The following IL1RAPL2 variants were observed in gnomAD, a reference collection of about 807,000 sequenced individuals.
The protein encoded by IL1RAPL2 is X-linked interleukin-1 receptor accessory protein-like 2.
A neutral mutation model predicts 44.1 loss-of-function variants in IL1RAPL2; 3 were observed. The observed-to-expected ratio is 0.07, with a 90% CI of 0.03 to 0.18. The LOEUF is 0.18. Among genes scored for constraint, IL1RAPL2 ranks in the 10% least tolerant of loss-of-function variants. The pLI, the probability that IL1RAPL2 is intolerant of heterozygous loss-of-function variation, is 1.00. For synonymous variants in IL1RAPL2, 181 were observed against 178.8 expected (o/e 1.01, Z -0.10); for missense variants, 391 against 496.4 (o/e 0.79, Z 2.02).
At chrX:105,334,552 A>T (rs2035013539) in intron 5 of IL1RAPL2, among the ~76,000 whole-genome samples, 1 of 112,077 alleles carries the variant, frequency 8.9e-6, no homozygotes, top group Non-Finnish European at 1.9e-5. Context: ...GCTTGAAAGG[A>T]TGGATATCCC....
At chrX:105,252,048 T>C (rs2034273286) in intron 4 of IL1RAPL2, among the ~76,000 whole-genome samples, 1 of 111,363 alleles carries the variant, frequency 9.0e-6, no homozygotes, top group African/African-American at 3.3e-5. Context: ...TATGGAACAG[T>C]TCTGTCACTC....
At chrX:104,575,211 A>G (rs1445396455) in intron 1 of IL1RAPL2, among the ~76,000 whole-genome samples, 1 of 111,504 alleles carries the variant, frequency 9.0e-6, no homozygotes, top group East Asian at 2.8e-4. Context: ...AGAAAAATCA[A>G]TAGAGCATTT....
intron 2 of IL1RAPL2, among the ~76,000 whole-genome samples, chrX:105,112,411 T>C (rs2147566399): frequency 8.9e-6 from 1 of 112,417 alleles, no homozygotes; most frequent in East Asian, 2.8e-4. Context: ...GATATTTAAC[T>C]CAATTTTGAC....
intron 2 of IL1RAPL2, among the ~76,000 whole-genome samples, chrX:105,042,348 C>T (rs1264709415): frequency 9.0e-6 from 1 of 110,542 alleles, no homozygotes; most frequent in African/African-American, 3.3e-5. Flanking sequence ...GGCTAATATC[C>T]AGAATCTGCA....
chrX:105,437,205 G>A (rs1442284052), intron 5 of IL1RAPL2, among the ~76,000 whole-genome samples: 1 of 109,658 alleles, frequency 9.1e-6, no homozygotes, highest in East Asian at 2.9e-4. Context: ...TACATGTCAG[G>A]TTTCCTTAAA....
At chrX:104,889,005 C>G (rs1923340296) in intron 2 of IL1RAPL2, among the ~76,000 whole-genome samples, 1 of 111,252 alleles carries the variant, frequency 9.0e-6, no homozygotes, top group African/African-American at 3.3e-5. Flanking sequence ...TCAGGCCTGC[C>G]TCTGGGGCAC....
intron 5 of IL1RAPL2, among the ~76,000 whole-genome samples, chrX:105,276,141 C>T (rs745759112): frequency 1.8e-5 from 2 of 112,766 alleles, no homozygotes; most frequent in African/African-American, 6.4e-5. Context: ...CACGGTGGCT[C>T]ACGCCTGTAA....
chrX:105,045,204 G>A (rs1201594587), intron 2 of IL1RAPL2, among the ~76,000 whole-genome samples: 4 of 111,327 alleles, frequency 3.6e-5, no homozygotes, highest in Non-Finnish European at 7.5e-5. Flanking sequence ...AATCATAATA[G>A]AGTGAGTAGC....
chrX:105,218,470 T>G (rs1424027692), intron 3 of IL1RAPL2, among the ~76,000 whole-genome samples: 1 of 111,306 alleles, frequency 9.0e-6, no homozygotes, highest in Non-Finnish European at 1.9e-5. Context: ...GAAAAATCCA[T>G]TTGGCTCTGG....
chrX:104,623,533 C>T (rs893603344), intron 1 of IL1RAPL2, among the ~76,000 whole-genome samples: 2 of 111,052 alleles, frequency 1.8e-5, no homozygotes, highest in African/African-American at 6.5e-5. Flanking sequence ...TAGGCAAAGG[C>T]TACCCATCAG....
chrX:105,404,928 T>G (rs965982745), intron 5 of IL1RAPL2, among the ~76,000 whole-genome samples: 2 of 112,087 alleles, frequency 1.8e-5, no homozygotes, highest in African/African-American at 6.5e-5. Flanking sequence ...CCAATAAATA[T>G]TCTATGACCA....
At chrX:104,861,681 A>G (rs975032107) in intron 2 of IL1RAPL2, among the ~76,000 whole-genome samples, 3 of 111,081 alleles carry the variant, frequency 2.7e-5, no homozygotes, top group Admixed American at 9.6e-5. Flanking sequence ...ACCGATGCTC[A>G]GGTCCCTTAT....
At chrX:105,741,781 T>C (rs1026004455) in intron 8 of IL1RAPL2, among the ~76,000 whole-genome samples, 1 of 111,967 alleles carries the variant, frequency 8.9e-6, no homozygotes, top group African/African-American at 3.2e-5. Context: ...CCTGGTTCAG[T>C]AGGACTGACT....
intron 2 of IL1RAPL2, among the ~76,000 whole-genome samples, chrX:104,921,317 G>T (rs1924633287): frequency 9.2e-6 from 1 of 108,370 alleles, no homozygotes; most frequent in South Asian, 4.3e-4. Context: ...AGAGAACAGG[G>T]CCAGGGAATG....
At chrX:105,375,969 C>G (rs2035384492) in intron 5 of IL1RAPL2, among the ~76,000 whole-genome samples, 1 of 111,815 alleles carries the variant, frequency 8.9e-6, no homozygotes, top group South Asian at 3.7e-4. Context: ...TATTTCTTAA[C>G]AAAACAAGAT....
At chrX:104,990,732 G>A (rs1168578271) in intron 2 of IL1RAPL2, among the ~76,000 whole-genome samples, 4 of 111,714 alleles carry the variant, frequency 3.6e-5, no homozygotes, top group Non-Finnish European at 5.7e-5. Flanking sequence ...TAAGGCAAAA[G>A]CATTATTTGA....
At chrX:105,124,496 T>C (rs1382859170) in intron 2 of IL1RAPL2, among the ~76,000 whole-genome samples, 2 of 110,401 alleles carry the variant, frequency 1.8e-5, no homozygotes, top group Non-Finnish European at 3.8e-5. Context: ...ATAAATGTTA[T>C]AACATTTTTA....
At chrX:104,995,322 G>T (rs753550413) in intron 2 of IL1RAPL2, among the ~76,000 whole-genome samples, 4 of 111,544 alleles carry the variant, frequency 3.6e-5, no homozygotes, top group Non-Finnish European at 7.5e-5. Context: ...TTAAAAAAGT[G>T]CCTGGCACAT....
chrX:104,762,766 A>G (rs988067925), intron 2 of IL1RAPL2, among the ~76,000 whole-genome samples: 24 of 111,695 alleles, frequency 2.1e-4, no homozygotes, highest in Non-Finnish European at 4.2e-4. Flanking sequence ...GCACCCTCTG[A>G]AGCAACAGCC....
Sources: allele counts gnomAD v4.1 joint callset (sites outside exome capture counted in the v4.1 genomes callset), GRCh38; gene constraint gnomAD v4.1.1; transcripts MANE v1.5; gene names NCBI Gene and HGNC (gene_info 2026-07-23, HGNC 2026-07-21).